The following ZSCAN32 variants were observed in gnomAD, a reference collection of about 807,000 sequenced individuals.
ZSCAN32 encodes zinc finger and SCAN domain-containing protein 32.
In ZSCAN32, 52 loss-of-function variants were observed where a neutral mutation model predicts 47.4. The observed-to-expected ratio is 1.10, with a 90% CI of 0.88 to 1.38. ZSCAN32 has a LOEUF of 1.38. ZSCAN32 is among the 40% of genes most tolerant of loss of function. ZSCAN32 has a pLI of 0.00. For synonymous variants in ZSCAN32, 346 were observed against 305.7 expected, an observed-to-expected ratio of 1.13 and a Z score of -1.38; for missense variants, 959 against 846.0, an observed-to-expected ratio of 1.13 and a Z score of -1.66.
At chr16:3,391,364 G>C (rs2032672022) in intron 3 of ZSCAN32, among the ~76,000 whole-genome samples, 1 of 152,132 alleles carries the variant, frequency 6.6e-6, no homozygotes, top group East Asian at 1.9e-4. Flanking sequence ...GTTGACAAGA[G>C]TATTAACTTT....
At chr16:3,397,082 G>A (rs1035502223) in intron 2 of ZSCAN32, 110 bp downstream of exon 2, 3 of 1,367,372 alleles carry the variant, frequency 2.2e-6, no homozygotes, top group Non-Finnish European at 2.9e-6. Flanking sequence ...AAGACCTTCT[G>A]TGGGCAGCAG....
Position 3,383,678 on chromosome 16 carries a change from T to C in ZSCAN32, c.1268A>G (p.Asn423Ser). ...TTCCTCTGAATCATCCCATTTTAGA[T>C]TTTCTTTTTTAATCTCGTTCTTGAA... ...FEFKNEIKKE[N>S]LKWDDSEEVE... is the part of the protein sequence containing the mutation. The change falls in exon 7 of 7, where the codon AAT (asparagine) becomes AGT (serine). Residue 423 changes from asparagine to serine, a missense_variant. Transcript: ENST00000396852. The C allele has an allele frequency of 6.3e-7, 1 of 1,592,246 alleles. No individual in the cohort carries two copies. The highest frequency in any genetic ancestry group is 1.7e-4 in the Middle Eastern group (1 of 5,970).
At chr16:3,397,826 C>T in intron 1 of ZSCAN32, 82 bp from the exon 2 acceptor site, 8 of 288,490 alleles carry the variant, frequency 2.8e-5, no homozygotes, top group African/African-American at 1.1e-4. Context: ...CTATCCCTTT[C>T]CTTTACTCCC....
At chr16:3,393,531 T>C in intron 3 of ZSCAN32, 118 bp downstream of exon 3, 1 of 1,035,512 alleles carries the variant, frequency 9.7e-7, no homozygotes, top group South Asian at 2.6e-5. Context: ...TGCCGGTTTT[T>C]GGATGTATTT....
intron 4 of ZSCAN32, 79 bp downstream of exon 4, chr16:3,390,344 T>C: frequency 1.4e-6 from 2 of 1,414,542 alleles, no homozygotes; most frequent in Admixed American, 2.4e-5. Context: ...ACAGAATCTT[T>C]CTCATGTCTC....
At chr16:3,384,991 G>T in intron 5 of ZSCAN32, 50 bp from the exon 6 acceptor site, 1 of 1,575,230 alleles carries the variant, frequency 6.3e-7, no homozygotes, top group Non-Finnish European at 8.6e-7. Context: ...GATCATGGAG[G>T]ACTGTACATA....
chr16:3,390,868 G>C (rs1433678499), intron 3 of ZSCAN32, among the ~76,000 whole-genome samples: 3 of 151,796 alleles, frequency 2.0e-5, no homozygotes, highest in Non-Finnish European at 2.9e-5. Context: ...TACATGTCAG[G>C]GAAAAAAAGA....
Position 3,397,179 on chromosome 16 carries a change from T to G in ZSCAN32, c.366+13A>C, listed in dbSNP as rs561524128. 5 of 1,497,024 alleles carry G rather than the reference T, an allele frequency of 3.3e-6. No individual in the cohort carries two copies. The South Asian group carries it at 6.6e-5, about 20-fold the overall frequency. The allele number at this position is 1,497,024 out of a possible 1,614,324, so 92.7% of individuals were successfully genotyped here. A position where few individuals can be genotyped will look rare whatever the true frequency, so the allele number is the denominator to read the frequency against. ...ATAACCAAAACCACAAAGTTCCGAC[T>G]TCCTTTTCTCACCTGTTGTCCAGGA... On this transcript the variant is annotated intron_variant, in intron 2 of 6. Transcript: ENST00000396852.
In ZSCAN32 at chr16:3,382,697, G is replaced by T. The variant is rs537919319; in HGVS notation, c.*155C>A. ...ACAGGCACAGCCAGGAGAGGTCAGC[G>T]TCCTTATGCTGACTCCTGGTCCTAG... On this transcript the variant is annotated 3_prime_UTR_variant, in exon 7 of 7. Transcript: ENST00000396852. The T allele has an allele frequency of 3.3e-6, 4 of 1,213,762 alleles. No homozygotes were observed. Among genetic ancestry groups the T allele is most frequent in the South Asian group, 2.1e-5 (1 of 47,360 alleles). The allele number at this position is 1,213,762 out of a possible 1,614,324, so 75.2% of individuals were successfully genotyped here.
chr16:3,390,120 C>A lies in ZSCAN32; in HGVS notation c.641G>T (p.Arg214Leu). The A allele has an allele frequency of 6.2e-7, 1 of 1,611,742 alleles. No individual in the cohort carries two copies. The highest frequency in any genetic ancestry group is 1.3e-5 in the African/African-American group (1 of 75,010). The part of the protein sequence containing the change: ...WTAGSQGPAM[R>L]DNRAVSLCQQ... ...ACAGAGGGATACAGCTCTGTTGTCA[C>A]GCATGGCTGGTCCCTGTAACAACAC... is the stretch of plus-strand genomic sequence containing the variant. Residue 214 changes from arginine to leucine, a missense_variant, in exon 5 of 7, where the codon CGT becomes CTT. Coordinates refer to ENST00000396852, the MANE Select transcript of ZSCAN32 (RefSeq NM_001284527.2).
At chr16:3,389,888 C>T in intron 5 of ZSCAN32, 122 bp downstream of exon 5, 1 of 1,024,960 alleles carries the variant, frequency 9.8e-7, no homozygotes, top group Non-Finnish European at 1.4e-6. Flanking sequence ...CCATTTACTT[C>T]CTCCTTTCCC....
intron 2 of ZSCAN32, 144 bp downstream of exon 2, chr16:3,397,048 G>T: frequency 1.1e-6 from 1 of 934,424 alleles, no homozygotes; most frequent in Non-Finnish European, 1.6e-6. Context: ...TATTATAAGG[G>T]CATAGGACCA....
chr16:3,389,727 C>T lies in ZSCAN32; in HGVS notation c.751+283G>A, dbSNP rs536728420. ...CTCCTGGTGGCCACCTGTCTGGCTC[C>T]GGCTCTGGACTACTTGTTCTGACTC... is the stretch of plus-strand genomic sequence containing the variant. On this transcript the variant is annotated intron_variant, in intron 5 of 6. Coordinates refer to ENST00000396852, the MANE Select transcript of ZSCAN32 (RefSeq NM_001284527.2). Among the ~76,000 whole-genome samples, 14 of 152,310 alleles carry T rather than the reference C, an allele frequency of 9.2e-5. No homozygotes were observed. In the South Asian group the frequency reaches 1.7e-3, roughly 18 times the overall value.
At chr16:3,389,917 C>G in intron 5 of ZSCAN32, 93 bp downstream of exon 5, 1 of 1,315,896 alleles carries the variant, frequency 7.6e-7, no homozygotes, top group East Asian at 2.6e-5. Flanking sequence ...ACAGTCTCCC[C>G]ACTCCCTCTG....
intron 6 of ZSCAN32, 179 bp downstream of exon 6, chr16:3,384,280 G>C: frequency 1.2e-6 from 1 of 815,948 alleles, no homozygotes; most frequent in Non-Finnish European, 1.9e-6. Context: ...TGCAAAATCA[G>C]GGCTGTAAAA....
intron 4 of ZSCAN32, 85 bp downstream of exon 4, chr16:3,390,338 A>C: frequency 7.1e-7 from 1 of 1,400,024 alleles, no homozygotes; most frequent in Non-Finnish European, 9.7e-7. Context: ...GACCACACAG[A>C]ATCTTTCTCA....
intron 5 of ZSCAN32, among the ~76,000 whole-genome samples, chr16:3,386,135 T>C (rs1045685971): frequency 2.6e-5 from 4 of 152,160 alleles, no homozygotes; most frequent in Non-Finnish European, 4.4e-5. Context: ...GCAAAGGATA[T>C]GAACAGACAC....
chr16:3,387,505 C>T (rs754174348), intron 5 of ZSCAN32, among the ~76,000 whole-genome samples: 35 of 152,240 alleles, frequency 2.3e-4, no homozygotes, highest in Non-Finnish European at 4.3e-4. Context: ...TCACCACACA[C>T]ACCTGCTGCC....
chr16:3,383,380 T>C lies in ZSCAN32; in HGVS notation c.1566A>G (p.Gln522=), dbSNP rs945589464. The change falls in exon 7 of 7, where the codon CAA becomes CAG. Residue 522 remains glutamine (Q), a synonymous_variant. Coordinates refer to ENST00000396852, the MANE Select transcript of ZSCAN32 (RefSeq NM_001284527.2). ...KPALKLEKVS[Q]CPECGKTFSR... ...TAAAGGTTTTCCCACATTCAGGACA[T>C]TGAGATACTTTTTCCAGTTTGAGCG... is the stretch of plus-strand genomic sequence containing the variant. The C allele has an allele frequency of 9.9e-6, 16 of 1,614,078 alleles. No individual in the cohort carries two copies. Among genetic ancestry groups the C allele is most frequent in the Middle Eastern group, 3.3e-4 (2 of 6,084 alleles).
Sources: allele counts gnomAD v4.1 joint callset (sites outside exome capture counted in the v4.1 genomes callset), GRCh38; gene constraint gnomAD v4.1.1; transcripts MANE v1.5; gene names NCBI Gene and HGNC (gene_info 2026-07-23, HGNC 2026-07-21).